CNTNAP2: variants seen among roughly 807,000 people sequenced by gnomAD.
CNTNAP2 encodes the protein contactin-associated protein-like 2.
In CNTNAP2, 98 loss-of-function variants were observed where a neutral mutation model predicts 155.2. That is an observed-to-expected ratio of 0.63 (90% CI 0.54 to 0.75). The LOEUF (loss-of-function observed/expected upper bound fraction) is 0.75, where lower values mean the gene tolerates loss of function less well. Among genes scored for constraint, CNTNAP2 ranks in the 30% least tolerant of loss-of-function variants. The pLI, the probability that CNTNAP2 is intolerant of heterozygous loss-of-function variation, is 0.00. For missense variants in CNTNAP2, 1,727 were observed against 1,688.1 expected (o/e 1.02, Z -0.40); for synonymous variants, 651 against 631.2 (o/e 1.03, Z -0.47).
intron 1 of CNTNAP2, among the ~76,000 whole-genome samples, chr7:146,258,435 TA>T (rs1158681934): frequency 6.6e-6 from 1 of 152,248 alleles, no homozygotes; most frequent in African/African-American, 2.4e-5. Context: ...CAATCATTTA[TA>T]TTTTATGCTT....
intron 13 of CNTNAP2, among the ~76,000 whole-genome samples, chr7:147,749,462 T>G (rs1002106950): frequency 1.3e-5 from 2 of 152,314 alleles, no homozygotes; most frequent in Non-Finnish European, 2.9e-5. Context: ...ATCCAACTAG[T>G]TAAATTACTG....
intron 1 of CNTNAP2, among the ~76,000 whole-genome samples, chr7:146,352,856 G>T (rs894242482): frequency 7.0e-6 from 1 of 141,940 alleles, no homozygotes; most frequent in Non-Finnish European, 1.5e-5. Flanking sequence ...CCGGGTTCAC[G>T]CCATTCTCCT....
intron 8 of CNTNAP2, among the ~76,000 whole-genome samples, chr7:147,239,292 G>A (rs980725432): frequency 6.6e-6 from 1 of 151,982 alleles, no homozygotes; most frequent in Non-Finnish European, 1.5e-5. Context: ...TGGATCACAA[G>A]GTCAGGAGTT....
At chr7:146,980,605 T>A (rs1453282005) in intron 3 of CNTNAP2, among the ~76,000 whole-genome samples, 1 of 152,074 alleles carries the variant, frequency 6.6e-6, no homozygotes, top group African/African-American at 2.4e-5. Flanking sequence ...CTCAAGTAGT[T>A]TCCAGTCATG....
chr7:147,967,590 T>C (rs1304075250), intron 14 of CNTNAP2, among the ~76,000 whole-genome samples: 2 of 152,218 alleles, frequency 1.3e-5, no homozygotes, highest in Admixed American at 1.3e-4. Context: ...AGACACTGTT[T>C]TATTCCTAGT....
At chr7:146,410,399 T>C (rs1795849209) in intron 1 of CNTNAP2, among the ~76,000 whole-genome samples, 1 of 152,232 alleles carries the variant, frequency 6.6e-6, no homozygotes, top group Admixed American at 6.5e-5. Context: ...ATTTGCTGAC[T>C]TCTGCCCTAC....
At chr7:146,990,461 T>C (rs1798190405) in intron 3 of CNTNAP2, among the ~76,000 whole-genome samples, 1 of 152,152 alleles carries the variant, frequency 6.6e-6, no homozygotes, top group South Asian at 2.1e-4. Flanking sequence ...TCTCAATTTA[T>C]ACCTTGTTTA....
chr7:146,579,120 T>C (rs916515403), intron 1 of CNTNAP2, among the ~76,000 whole-genome samples: 2 of 152,178 alleles, frequency 1.3e-5, no homozygotes, highest in African/African-American at 4.8e-5. Context: ...ATGATTTCAT[T>C]ACATATTTGA....
intron 13 of CNTNAP2, among the ~76,000 whole-genome samples, chr7:147,790,111 T>G (rs1479297753): frequency 6.6e-6 from 1 of 152,146 alleles, no homozygotes; most frequent in Non-Finnish European, 1.5e-5. Flanking sequence ...GCCTAGAAGG[T>G]TCTTTCCCCA....
chr7:146,934,304 A>G (rs1400705719), intron 3 of CNTNAP2, among the ~76,000 whole-genome samples: 1 of 152,070 alleles, frequency 6.6e-6, no homozygotes, highest in Non-Finnish European at 1.5e-5. Flanking sequence ...ACATGGATGA[A>G]ATTGGAAATC....
intron 3 of CNTNAP2, among the ~76,000 whole-genome samples, chr7:147,040,389 T>C (rs1563054222): frequency 6.6e-6 from 1 of 150,440 alleles, no homozygotes; most frequent in African/African-American, 2.4e-5. Context: ...TTGAGTTAGG[T>C]GCCCACCCCT....
In CNTNAP2 at chr7:147,474,080, T is replaced by TA. The variant is rs202185414; in HGVS notation, c.1671-11846dup. Among the ~76,000 whole-genome samples, 910 of 148,330 alleles carry TA rather than the reference T, an allele frequency of 6.1e-3. 13 individuals are homozygous for TA. Among genetic ancestry groups the TA allele is most frequent in the African/African-American group, 0.021 (863 of 40,566 alleles). On this transcript the variant is annotated intron_variant, in intron 10 of 23. Coordinates refer to ENST00000361727, the MANE Select transcript of CNTNAP2 (RefSeq NM_014141.6). ...GGAGACAAGTACGAAACTCCGTCTC[T>TA]AAAAAAAAATAAATAAAAATAAAAA...
At chr7:148,308,615 G>T (rs1797533670) in intron 21 of CNTNAP2, among the ~76,000 whole-genome samples, 1 of 151,734 alleles carries the variant, frequency 6.6e-6, no homozygotes, top group Non-Finnish European at 1.5e-5. Flanking sequence ...TGGGGTACAT[G>T]TACGGAACGT....
chr7:147,213,094 A>G (rs559763006), intron 8 of CNTNAP2, among the ~76,000 whole-genome samples: 75 of 152,268 alleles, frequency 4.9e-4, no homozygotes, highest in South Asian at 2.1e-4. Context: ...GCAATAATGG[A>G]TACTGATAAG....
At chr7:146,137,780 C>T (rs1389548428) in intron 1 of CNTNAP2, among the ~76,000 whole-genome samples, 2 of 151,632 alleles carry the variant, frequency 1.3e-5, no homozygotes, top group African/African-American at 4.8e-5. Flanking sequence ...CTTTTAATTA[C>T]AATTTAAATT....
chr7:148,024,173 A>AAAAAAAAAAAAAAAAAAAAAAAAAAC (rs796940228), intron 15 of CNTNAP2, among the ~76,000 whole-genome samples: 1 of 147,888 alleles, frequency 6.8e-6, no homozygotes, highest in East Asian at 2.3e-4. Flanking sequence ...AAAAAAAAAA[A>AAAAAAAAAAAAAAAAAAAAAAAAAAC]AAAAAACTTT....
rs142665190 is a variant in CNTNAP2, at chr7:146,918,037, C to A, written c.402+78133C>A. Among the ~76,000 whole-genome samples, 10 of 152,082 alleles carry A rather than the reference C, an allele frequency of 6.6e-5. No homozygotes were observed. The East Asian group carries it at 1.9e-3, about 30-fold the overall frequency. On this transcript the variant is annotated intron_variant, in intron 3 of 23. Coordinates refer to ENST00000361727, the MANE Select transcript of CNTNAP2 (RefSeq NM_014141.6). ...TTTGGTGTTCATTTGCATGAAATAC[C>A]TTTTTCCACCCCTTTACCTTAAGTT...
chr7:147,305,102 G>A (rs1405207806), intron 9 of CNTNAP2, among the ~76,000 whole-genome samples: 1 of 151,986 alleles, frequency 6.6e-6, no homozygotes, highest in East Asian at 1.9e-4. Context: ...CACCCACAGG[G>A]GCTCGGGGTT....
chr7:147,012,523 A>G (rs190732754), intron 3 of CNTNAP2, among the ~76,000 whole-genome samples: 1 of 152,274 alleles, frequency 6.6e-6, no homozygotes, highest in Admixed American at 6.5e-5. Flanking sequence ...GTAAATTTTA[A>G]TTTGAAATTG....
Sources: allele counts gnomAD v4.1 joint callset (sites outside exome capture counted in the v4.1 genomes callset), GRCh38; gene constraint gnomAD v4.1.1; transcripts MANE v1.5; gene names NCBI Gene and HGNC (gene_info 2026-07-23, HGNC 2026-07-21).